Variants in KMT5A observed in about 807,000 individuals in gnomAD.
KMT5A encodes N-lysine methyltransferase KMT5A.
Under a neutral mutation model 40.6 loss-of-function variants are expected in KMT5A, and 6 were observed. The observed-to-expected ratio is 0.15, with a 90% CI of 0.08 to 0.29. KMT5A has a LOEUF of 0.29. Ranked by LOEUF, KMT5A falls within the 10% of genes least tolerant of loss-of-function variation. The pLI, the probability that KMT5A is intolerant of heterozygous loss-of-function variation, is 1.00. For synonymous variants in KMT5A, 153 were observed against 178.8 expected (o/e 0.86, Z 1.15); for missense variants, 308 against 459.1 (o/e 0.67, Z 3.01).
At chr12:123,398,619 G>A (rs193262444) in intron 5 of KMT5A, among the ~76,000 whole-genome samples, 6 of 152,344 alleles carry the variant, frequency 3.9e-5, no homozygotes, top group East Asian at 1.9e-4. Flanking sequence ...ACCGGGAGCC[G>A]TGCTTTGCCC....
chr12:123,387,263 G>A (rs1212933762), intron 1 of KMT5A, among the ~76,000 whole-genome samples: 1 of 152,200 alleles, frequency 6.6e-6, no homozygotes, highest in African/African-American at 2.4e-5. Context: ...GCAGAATTGA[G>A]AGGAATAGGT....
chr12:123,406,264 T>C (rs145006382), intron 7 of KMT5A, among the ~76,000 whole-genome samples: 7 of 152,354 alleles, frequency 4.6e-5, no homozygotes, highest in East Asian at 1.9e-4. Flanking sequence ...TGGAAATCAC[T>C]AATTGATCTT....
At chr12:123,390,220 G>T in intron 2 of KMT5A, 1 of 448,090 alleles carries the variant, frequency 2.2e-6, no homozygotes. Context: ...GCACCAAGTG[G>T]TTAATCAGGT....
rs768454521 is a variant in KMT5A, at chr12:123,395,242, A to G, written c.485A>G (p.Lys162Arg). The G allele has an allele frequency of 1.9e-6, 3 of 1,613,362 alleles. No individual in the cohort carries two copies. Among genetic ancestry groups the G allele is most frequent in the Non-Finnish European group, 1.7e-6 (2 of 1,179,728 alleles). ...IAKQALKKPIKGKQAPRKKAQ... is the reference protein window; with the variant it reads ...IAKQALKKPIRGKQAPRKKAQ... Reference sequence around the variant, plus strand: ...AAGCAAGCCCTGAAAAAGCCCATCAAGGGCAAACAGGCCCCCCGAAAAAAG... The same window carrying G: ...AAGCAAGCCCTGAAAAAGCCCATCAGGGGCAAACAGGCCCCCCGAAAAAAG... Residue 162 changes from lysine (K) to arginine (R), a missense_variant, in exon 4 of 8, where the codon AAG (lysine) becomes AGG (arginine). Lys to Arg is a conservative substitution (Grantham distance 26, BLOSUM62 2). This residue lies in a region of KMT5A where 127 missense variants were observed against 129.8 expected (regional missense o/e 0.98). Transcript: ENST00000402868.
chr12:123,402,307 G>A (rs1478277239), intron 5 of KMT5A, among the ~76,000 whole-genome samples: 1 of 152,254 alleles, frequency 6.6e-6, no homozygotes, highest in Non-Finnish European at 1.5e-5. Context: ...CTGGGCTGCA[G>A]GGCCGCAGTG....
chr12:123,394,159 A>G (rs1340761477), intron 3 of KMT5A, among the ~76,000 whole-genome samples: 1 of 137,662 alleles, frequency 7.3e-6, no homozygotes, highest in Non-Finnish European at 1.5e-5. Flanking sequence ...GTTGGAGTGC[A>G]ATGGCATGAT....
At position 123,395,211 on chromosome 12, in the gene KMT5A, A is replaced by G. The variant is rs1476088704; in HGVS notation, c.454A>G (p.Ile152Val). 1.7e-5 allele frequency: 28 copies of G among 1,613,668 alleles called. No individual in the cohort carries two copies. Among genetic ancestry groups the G allele is most frequent in the Non-Finnish European group, 2.4e-5 (28 of 1,179,846 alleles). ...PSSCDSTNAA[I>V]AKQALKKPIK... ...ATCTTGTGATTCCACCAATGCAGCCATCGCCAAGCAAGCCCTGAAAAAGCC... is the reference window on the plus strand; with the variant it reads ...ATCTTGTGATTCCACCAATGCAGCCGTCGCCAAGCAAGCCCTGAAAAAGCC... The change falls in exon 4 of 8, where the codon ATC becomes GTC. Residue 152 changes from isoleucine (I) to valine (V), a missense_variant. By Grantham distance (29) the Ile-to-Val change is conservative. Around this residue, in one of 4 missense-constraint regions of KMT5A, gnomAD observed 127 missense variants for 129.8 expected, o/e 0.98. Coordinates refer to ENST00000402868, the MANE Select transcript of KMT5A (RefSeq NM_020382.7).
intron 3 of KMT5A, among the ~76,000 whole-genome samples, chr12:123,394,104 CTTTTTTTTTT>C (rs397711320): frequency 8.0e-6 from 1 of 125,076 alleles, no homozygotes; most frequent in African/African-American, 3.0e-5. Context: ...ATTTTTTTTT[CTTTTTTTTTT>C]TTTTTTTGAG....
chr12:123,388,256 A>T (rs553333201), intron 1 of KMT5A, among the ~76,000 whole-genome samples: 8 of 152,366 alleles, frequency 5.3e-5, no homozygotes, highest in African/African-American at 1.9e-4. Context: ...CCCTGGGGTC[A>T]GTTGGCTGGG....
chr12:123,399,201 G>A (rs1194694635), intron 5 of KMT5A, among the ~76,000 whole-genome samples: 3 of 152,264 alleles, frequency 2.0e-5, no homozygotes, highest in African/African-American at 7.2e-5. Context: ...CAAGCAGCCT[G>A]CTGATTCCGC....
intron 3 of KMT5A, chr12:123,391,526 A>G (rs566130578): frequency 6.6e-6 from 1 of 152,332 alleles, no homozygotes; most frequent in East Asian, 1.9e-4. Context: ...TTTCCTGCCA[A>G]TCAAGCATTT....
intron 3 of KMT5A, 79 bp downstream of exon 3, chr12:123,390,865 A>G (rs2139164951): frequency 6.7e-7 from 1 of 1,501,682 alleles, no homozygotes; most frequent in South Asian, 1.2e-5. Context: ...GAATGCACAT[A>G]TGTATTTATC....
At chr12:123,402,277 G>A (rs1471892268) in intron 5 of KMT5A, among the ~76,000 whole-genome samples, 2 of 152,244 alleles carry the variant, frequency 1.3e-5, no homozygotes, top group Non-Finnish European at 2.9e-5. Context: ...AAGGGGGCCG[G>A]AGCGGGGCCG....
chr12:123,393,229 C>T (rs777847253), intron 3 of KMT5A, among the ~76,000 whole-genome samples: 10 of 152,086 alleles, frequency 6.6e-5, no homozygotes, highest in Non-Finnish European at 1.3e-4. Context: ...GTTAATATAT[C>T]ATAACGTTCA....
At chr12:123,391,607 G>T (rs147215150) in intron 3 of KMT5A, among the ~76,000 whole-genome samples, 1 of 152,316 alleles carries the variant, frequency 6.6e-6, no homozygotes, top group East Asian at 1.9e-4. Flanking sequence ...GAAAATACAG[G>T]GTTAATGAAA....
Position 123,390,802 on chromosome 12 carries a change from G to C in KMT5A, c.289+16G>C. On this transcript the variant is annotated intron_variant, in intron 3 of 7. Coordinates refer to ENST00000402868, the MANE Select transcript of KMT5A (RefSeq NM_020382.7). ...AAACGAGAAGGTAAGCTTTTGAAAT[G>C]GCCTCGTTCTGATCCCAGCTGGTCG... The C allele has an allele frequency of 6.2e-7, 1 of 1,613,274 alleles. No individual in the cohort carries two copies. The highest frequency in any genetic ancestry group is 1.1e-5 in the South Asian group (1 of 91,014).
intron 7 of KMT5A, among the ~76,000 whole-genome samples, chr12:123,407,018 CAAAAAAAAAAAA>C (rs56732264): frequency 7.0e-5 from 2 of 28,504 alleles, no homozygotes; most frequent in Non-Finnish European, 6.2e-5. Flanking sequence ...GACTCCCTCT[CAAAAAAAAAAAA>C]AAAAAAAAAA....
intron 1 of KMT5A, 58 bp from the exon 2 acceptor site, chr12:123,389,375 C>A: frequency 9.9e-7 from 1 of 1,012,896 alleles, no homozygotes; most frequent in Non-Finnish European, 1.2e-6. Flanking sequence ...GCCCCGCTCC[C>A]CGCCCCGCCG....
chr12:123,401,130 C>T (rs533344404), intron 5 of KMT5A, among the ~76,000 whole-genome samples: 12 of 142,778 alleles, frequency 8.4e-5, no homozygotes, highest in African/African-American at 3.1e-4. Context: ...TCTATTCCAC[C>T]AATATATATC....
Sources: gnomAD v4.1 joint callset for allele counts (sites outside exome capture counted in the v4.1 genomes callset) on GRCh38, gnomAD v4.1.1 for gene constraint, gnomAD v4.1.1 regional missense constraint, MANE v1.5 for transcripts, NCBI Gene and HGNC (gene_info 2026-07-23, HGNC 2026-07-21) for gene names.